The following KIAA0319L variants were observed in gnomAD, a reference collection of about 807,000 sequenced individuals.
The protein encoded by KIAA0319L is KIAA0319 like.
Under a neutral mutation model 120.1 loss-of-function variants are expected in KIAA0319L, and 55 were observed. That is an observed-to-expected ratio of 0.46 (90% confidence interval 0.37 to 0.57). The LOEUF is 0.57. Among genes scored for constraint, KIAA0319L ranks in the 20% least tolerant of loss-of-function variants. The probability of loss-of-function intolerance (pLI) is 0.00; values close to 1 mark genes in which losing one functional copy is unlikely to be tolerated. For synonymous variants in KIAA0319L, 398 were observed against 471.9 expected (o/e 0.84, Z 2.03); for missense variants, 1,049 against 1,255.3 (o/e 0.84, Z 2.48).
intron 5 of KIAA0319L, among the ~76,000 whole-genome samples, chr1:35,473,184 C>T (rs1051056113): frequency 1.0e-4 from 15 of 150,714 alleles, no homozygotes; most frequent in Admixed American, 6.0e-4. Flanking sequence ...CAACATCCGC[C>T]TCCTGGGTTC....
At chr1:35,507,175 AAC>A (rs1645238286) in intron 2 of KIAA0319L, 40 bp from the exon 3 acceptor site, 1 of 1,507,906 alleles carries the variant, frequency 6.6e-7, no homozygotes, top group Non-Finnish European at 8.9e-7. Flanking sequence ...ATGAAATAAA[AAC>A]AGAGACTACT....
Position 35,434,848 on chromosome 1 carries a change from GC to G in KIAA0319L, c.*45del. On this transcript the variant is annotated 3_prime_UTR_variant, in exon 21 of 21. Transcript: ENST00000325722. ...GCAGACTCGGGAGGTAGGAGGACTGGCCGGGCAGTGTGCTGGGCCCTGCCCT... is the reference window on the plus strand; with the variant it reads ...GCAGACTCGGGAGGTAGGAGGACTGGCGGGCAGTGTGCTGGGCCCTGCCCT... 6.5e-7 allele frequency: 1 copy of G among 1,534,478 alleles called. No individual in the cohort carries two copies. Among genetic ancestry groups the G allele is most frequent in the Admixed American group, 1.9e-5 (1 of 53,788 alleles).
At position 35,494,925 on chromosome 1, in the gene KIAA0319L, T is replaced by C. The variant is rs1379568013; in HGVS notation, c.666+11687A>G. 4.6e-5 allele frequency among the ~76,000 whole-genome samples: 7 copies of C among 152,102 alleles called. No individual in the cohort carries two copies. In the South Asian group the frequency reaches 1.5e-3, roughly 32 times the overall value. On this transcript the variant is annotated intron_variant, in intron 3 of 20. Transcript: ENST00000325722. ...GACCTATAAACATACGCTTAACTGATTTTCAACAAAGGTAAAACGGCAATT... is the reference window on the plus strand; with the variant it reads ...GACCTATAAACATACGCTTAACTGACTTTCAACAAAGGTAAAACGGCAATT...
chr1:35,534,575 G>T (rs746754335), intron 2 of KIAA0319L, among the ~76,000 whole-genome samples: 1 of 152,050 alleles, frequency 6.6e-6, no homozygotes, highest in African/African-American at 2.4e-5. Context: ...AATAACAATC[G>T]GTGGCCGGGC....
chr1:35,448,041 G>T lies in KIAA0319L; in HGVS notation c.2513+132C>A. On this transcript the variant is annotated intron_variant, in intron 16 of 20. Transcript: ENST00000325722. ...CACTAGAAGACAGAAGTCTATTGAAGAAAAGGCAACATGAGTGTTTCTGGT... is the reference window on the plus strand; with the variant it reads ...CACTAGAAGACAGAAGTCTATTGAATAAAAGGCAACATGAGTGTTTCTGGT... 2.3e-6 allele frequency: 2 copies of T among 867,044 alleles called. 1 individual carries two copies. The highest frequency in any genetic ancestry group is 3.5e-5 in the South Asian group (2 of 56,458). The allele number at this position is 867,044 out of a possible 1,614,324, so 53.7% of individuals were successfully genotyped here.
At chr1:35,478,607 A>C (rs116438200) in intron 4 of KIAA0319L, among the ~76,000 whole-genome samples, 142 of 152,356 alleles carry the variant, frequency 9.3e-4, no homozygotes, top group African/African-American at 2.8e-3. Context: ...AGATGCTATA[A>C]AAATGAGAGA....
intron 9 of KIAA0319L, among the ~76,000 whole-genome samples, chr1:35,459,820 A>G (rs1050953816): frequency 6.6e-6 from 1 of 152,214 alleles, no homozygotes; most frequent in Non-Finnish European, 1.5e-5. Context: ...TAGAATATCA[A>G]TACTAGCTCC....
chr1:35,526,380 TATAC>T (rs1170574981), intron 2 of KIAA0319L, among the ~76,000 whole-genome samples: 7 of 125,214 alleles, frequency 5.6e-5, no homozygotes, highest in East Asian at 2.7e-4. Flanking sequence ...TACATATATA[TATAC>T]ATACATATAT....
chr1:35,551,768 C>A (rs1647216515), intron 2 of KIAA0319L, among the ~76,000 whole-genome samples: 2 of 152,064 alleles, frequency 1.3e-5, no homozygotes, highest in African/African-American at 4.8e-5. Context: ...TTTTAATTTC[C>A]ATGATAAAAG....
chr1:35,451,304 T>C (rs934136947), intron 13 of KIAA0319L, among the ~76,000 whole-genome samples: 2 of 151,658 alleles, frequency 1.3e-5, no homozygotes, highest in Non-Finnish European at 2.9e-5. Flanking sequence ...AGGGGCAAAA[T>C]AAAAATGCAA....
intron 19 of KIAA0319L, among the ~76,000 whole-genome samples, chr1:35,441,790 C>T (rs1439892995): frequency 1.3e-5 from 2 of 152,088 alleles, no homozygotes; most frequent in East Asian, 3.9e-4. Context: ...TGAAAAAACA[C>T]AGGACGCCTG....
chr1:35,500,503 G>C (rs1213491687), intron 3 of KIAA0319L, among the ~76,000 whole-genome samples: 2 of 152,192 alleles, frequency 1.3e-5, no homozygotes, highest in Non-Finnish European at 2.9e-5. Flanking sequence ...CACAATATCT[G>C]CCTTTGGATT....
chr1:35,460,260 C>A (rs2819002), intron 9 of KIAA0319L, 45 bp downstream of exon 9: 1,485,915 of 1,553,618 alleles, frequency 0.96, 710,931 homozygotes, highest in East Asian at 1. Flanking sequence ...CCACGAGAGG[C>A]AAAAAAATGG....
At chr1:35,526,636 G>A (rs1646160848) in intron 2 of KIAA0319L, among the ~76,000 whole-genome samples, 1 of 151,732 alleles carries the variant, frequency 6.6e-6, no homozygotes, top group South Asian at 2.1e-4. Flanking sequence ...TTGTAGAGAT[G>A]AGGTCTCACT....
intron 17 of KIAA0319L, 89 bp from the exon 18 acceptor site, chr1:35,443,117 C>A: frequency 2.7e-6 from 4 of 1,504,820 alleles, no homozygotes; most frequent in Non-Finnish European, 2.7e-6. Context: ...ACCAAAGCAC[C>A]CCAGATTAAT....
intron 4 of KIAA0319L, among the ~76,000 whole-genome samples, chr1:35,476,690 C>T (rs1343881069): frequency 2.6e-5 from 4 of 152,200 alleles, no homozygotes; most frequent in African/African-American, 7.2e-5. Flanking sequence ...AAACCCTTCA[C>T]AATTACACCA....
At chr1:35,520,895 C>T (rs563430834) in intron 2 of KIAA0319L, among the ~76,000 whole-genome samples, 1 of 152,102 alleles carries the variant, frequency 6.6e-6, no homozygotes, top group South Asian at 2.1e-4. Flanking sequence ...AGAAATTCAG[C>T]CTATATAAAA....
chr1:35,528,520 AG>A (rs1466445085), intron 2 of KIAA0319L, among the ~76,000 whole-genome samples: 1 of 152,106 alleles, frequency 6.6e-6, no homozygotes. Context: ...AAATGTGTTG[AG>A]GTTTCGTGGT....
intron 4 of KIAA0319L, among the ~76,000 whole-genome samples, chr1:35,478,537 T>C (rs1033811261): frequency 2.0e-5 from 3 of 152,128 alleles, no homozygotes; most frequent in African/African-American, 7.2e-5. Context: ...CATAAATGTA[T>C]ACAACTACTA....
Sources: allele counts gnomAD v4.1 joint callset (sites outside exome capture counted in the v4.1 genomes callset), GRCh38; gene constraint gnomAD v4.1.1; transcripts MANE v1.5; gene names NCBI Gene and HGNC (gene_info 2026-07-23, HGNC 2026-07-21).